Variants in SH2D4B observed in about 807,000 individuals in gnomAD.
SH2D4B encodes the protein SH2 domain-containing protein 4B.
A neutral mutation model predicts 61.5 loss-of-function variants in SH2D4B; 45 were observed. The observed-to-expected ratio is 0.73, with a 90% CI of 0.58 to 0.94. SH2D4B has a LOEUF of 0.94. Among genes scored for constraint, SH2D4B ranks in the 40% least tolerant of loss-of-function variants. The pLI is 0.00. For missense variants in SH2D4B, 572 were observed against 574.2 expected, an observed-to-expected ratio of 1.00 and a Z score of 0.04; for synonymous variants, 224 against 220.4, an observed-to-expected ratio of 1.02 and a Z score of -0.14.
intron 1 of SH2D4B, among the ~76,000 whole-genome samples, chr10:80,543,343 GGCCGGCCACC>G: frequency 6.6e-6 from 1 of 152,106 alleles, no homozygotes; most frequent in Non-Finnish European, 1.5e-5. Flanking sequence ...CACTCGGAGC[GGCCGGCCACC>G]TGGCCGGCCC....
At chr10:80,585,415 A>C (rs1377871442) in intron 3 of SH2D4B, among the ~76,000 whole-genome samples, 1 of 151,916 alleles carries the variant, frequency 6.6e-6, no homozygotes, top group African/African-American at 2.4e-5. Flanking sequence ...CCCGGGTTCA[A>C]GTGATTCTCC....
chr10:80,592,722 T>TG (rs1842344754), intron 4 of SH2D4B, among the ~76,000 whole-genome samples: 1 of 151,152 alleles, frequency 6.6e-6, no homozygotes, highest in East Asian at 1.9e-4. Flanking sequence ...TCTCTTTTTT[T>TG]TTTTTTTTTG....
At chr10:80,549,203 T>TTTTG (rs1554874983) in intron 1 of SH2D4B, among the ~76,000 whole-genome samples, 1 of 120,230 alleles carries the variant, frequency 8.3e-6, no homozygotes, top group Non-Finnish European at 1.7e-5. Context: ...TGGGACTTGA[T>TTTTG]TGTGTGTGTG....
intron 1 of SH2D4B, among the ~76,000 whole-genome samples, chr10:80,561,476 G>T (rs1202281567): frequency 2.0e-5 from 3 of 152,178 alleles, no homozygotes; most frequent in Admixed American, 1.3e-4. Flanking sequence ...AATGAGTAAT[G>T]TTGCAAAATT....
intron 1 of SH2D4B, among the ~76,000 whole-genome samples, chr10:80,567,261 A>G (rs7919104): frequency 0.015 from 2,238 of 152,300 alleles, 52 homozygotes; most frequent in African/African-American, 0.05. Flanking sequence ...ATTCGATCAC[A>G]TGGTCCCACT....
At position 80,626,153 on chromosome 10, in the gene SH2D4B, ATT is replaced by A. The variant is rs35031186; in HGVS notation, c.989-8122_989-8121del. Among the ~76,000 whole-genome samples, 5 of 149,476 alleles carry A rather than the reference ATT, an allele frequency of 3.3e-5. No homozygotes were observed. The East Asian group carries it at 9.8e-4, about 29-fold the overall frequency. On this transcript the variant is annotated intron_variant, in intron 6 of 7. Coordinates refer to ENST00000646907, the MANE Select transcript of SH2D4B (RefSeq NM_001388272.1). The stretch of plus-strand genomic sequence containing the variant: ...TATCTCTGATTTTCTATCCAGGATA[ATT>A]TTTTTTTTTCTTCCTGAAGTACATC...
At chr10:80,609,375 C>T in intron 5 of SH2D4B, 49 bp from the exon 6 acceptor site, 1 of 1,574,496 alleles carries the variant, frequency 6.4e-7, no homozygotes, top group Non-Finnish European at 8.7e-7. Context: ...TCCCTCCGCT[C>T]TTTCTCCCTC....
intron 1 of SH2D4B, among the ~76,000 whole-genome samples, chr10:80,552,909 T>C (rs538071150): frequency 6.8e-6 from 1 of 147,686 alleles, no homozygotes; most frequent in Admixed American, 6.9e-5. Context: ...CTCTCTCTCT[T>C]GCTCTCTCTC....
At chr10:80,596,384 G>T (rs975007101) in intron 4 of SH2D4B, among the ~76,000 whole-genome samples, 1 of 152,240 alleles carries the variant, frequency 6.6e-6, no homozygotes, top group Non-Finnish European at 1.5e-5. Context: ...CTCATGAGCC[G>T]AGAACAGCCT....
intron 3 of SH2D4B, among the ~76,000 whole-genome samples, chr10:80,586,043 G>T (rs1249955243): frequency 2.0e-5 from 3 of 152,164 alleles, no homozygotes; most frequent in Non-Finnish European, 4.4e-5. Flanking sequence ...AGAGTGTGCT[G>T]GGTCCCCCAG....
At chr10:80,625,573 C>CTTT (rs564697811) in intron 6 of SH2D4B, among the ~76,000 whole-genome samples, 18 of 136,630 alleles carry the variant, frequency 1.3e-4, no homozygotes, top group South Asian at 2.3e-4. Flanking sequence ...TTTTCTTTTT[C>CTTT]TTTTTTTTTC....
chr10:80,553,970 A>C, intron 1 of SH2D4B, among the ~76,000 whole-genome samples: 1 of 152,220 alleles, frequency 6.6e-6, no homozygotes, highest in Non-Finnish European at 1.5e-5. Flanking sequence ...CCTCTTACCT[A>C]AACTGGAGAT....
At chr10:80,611,741 C>T (rs548362057) in intron 6 of SH2D4B, among the ~76,000 whole-genome samples, 9 of 151,814 alleles carry the variant, frequency 5.9e-5, no homozygotes, top group Non-Finnish European at 1.2e-4. Context: ...GGAGAAGGTG[C>T]GACCAAGGTG....
intron 1 of SH2D4B, chr10:80,540,884 C>T: frequency 1.9e-6 from 3 of 1,551,674 alleles, no homozygotes; most frequent in Non-Finnish European, 2.6e-6. Flanking sequence ...GGAATCTTCT[C>T]TTCCTTCCCT....
rs576514226 is a variant in SH2D4B at position 80,539,535 on chromosome 10, G to A, written c.184+1020G>A. On this transcript the variant is annotated intron_variant, in intron 1 of 7. Transcript: ENST00000646907. The surrounding 1 kb of genome is among the most constrained non-coding windows in gnomAD (Gnocchi z 4.9). ...CTTCACATGAGTGGCTCTCACCGTTGGGAATGTCCTTCTGCCTTCATCCAC... is the reference window on the plus strand; with the variant it reads ...CTTCACATGAGTGGCTCTCACCGTTAGGAATGTCCTTCTGCCTTCATCCAC... Among the ~76,000 whole-genome samples the A allele has an allele frequency of 8.5e-5, 13 of 152,306 alleles. No homozygotes were observed. Among genetic ancestry groups the A allele is most frequent in the African/African-American group, 3.1e-4 (13 of 41,570 alleles).
intron 3 of SH2D4B, among the ~76,000 whole-genome samples, chr10:80,577,487 C>T (rs544011567): frequency 1.3e-4 from 19 of 150,302 alleles, no homozygotes; most frequent in African/African-American, 2.7e-4. Flanking sequence ...AGTGCAGTGG[C>T]GCAATCTCAG....
intron 6 of SH2D4B, among the ~76,000 whole-genome samples, chr10:80,625,300 C>A (rs921407289): frequency 2.0e-5 from 3 of 152,090 alleles, no homozygotes; most frequent in African/African-American, 7.2e-5. Context: ...AAAGTTAATG[C>A]GGCTGTCCCT....
In SH2D4B at chr10:80,646,560, T is replaced by C. The variant is rs935083628; in HGVS notation, c.*2475T>C. 5 of 152,146 alleles carry C rather than the reference T, an allele frequency of 3.3e-5. No homozygotes were observed. Among genetic ancestry groups the C allele is most frequent in the African/African-American group, 1.2e-4 (5 of 41,438 alleles). The allele number at this position is 152,146 out of a possible 1,614,324, so 9.4% of individuals were successfully genotyped here. On this transcript the variant is annotated 3_prime_UTR_variant, in exon 8 of 8. Transcript: ENST00000646907. ...GCTAATAAATGTCAGGATTCTCATA[T>C]AAAGGAGTTGCCTTTTTTTTCCCTG...
rs113872242 is a variant in SH2D4B at position 80,543,556 on chromosome 10, C to T, written c.184+5041C>T. 1.0e-3 allele frequency among the ~76,000 whole-genome samples: 154 copies of T among 152,338 alleles called. 4 individuals carry two copies. The highest frequency in any genetic ancestry group is 2.8e-3 in the African/African-American group (115 of 41,580). On this transcript the variant is annotated intron_variant, in intron 1 of 7. Coordinates refer to ENST00000646907, the MANE Select transcript of SH2D4B (RefSeq NM_001388272.1). ...CCGATGAGCGCCACCCCCTGCTCCACGGCGCCCAGTCTCATCTACCACTCA... is the reference window on the plus strand; with the variant it reads ...CCGATGAGCGCCACCCCCTGCTCCATGGCGCCCAGTCTCATCTACCACTCA...
Sources: allele counts gnomAD v4.1 joint callset (sites outside exome capture counted in the v4.1 genomes callset), GRCh38; gene constraint gnomAD v4.1.1; non-coding constraint Gnocchi (gnomAD v3.1); transcripts MANE v1.5; gene names NCBI Gene and HGNC (gene_info 2026-07-23, HGNC 2026-07-21).